The following GPC5 variants were observed in gnomAD, a reference collection of about 807,000 sequenced individuals.
The protein encoded by GPC5 is glypican-5.
In GPC5, 47 loss-of-function variants were observed where a neutral mutation model predicts 53.9. That is an observed-to-expected ratio of 0.87 (90% CI 0.69 to 1.11). The LOEUF (loss-of-function observed/expected upper bound fraction) is 1.11. Among genes scored for constraint, GPC5 ranks in the 50% most tolerant of loss-of-function variants. GPC5 has a pLI of 0.00. For synonymous variants in GPC5, 286 were observed against 263.3 expected, an observed-to-expected ratio of 1.09 and a Z score of -0.84; for missense variants, 748 against 713.1, an observed-to-expected ratio of 1.05 and a Z score of -0.56.
At position 92,602,233 on chromosome 13, in the gene GPC5, CATATATAT is replaced by C. The variant is rs149450440; in HGVS notation, c.1562-264026_1562-264019del. 2.7e-3 allele frequency among the ~76,000 whole-genome samples: 324 copies of C among 119,486 alleles called. 6 individuals carry two copies. Among genetic ancestry groups the C allele is most frequent in the Non-Finnish European group, 2.8e-3 (168 of 59,264 alleles). 78.4% of individuals were successfully genotyped at this position (119,486 alleles called of 152,430 possible). A position where few individuals can be genotyped will look rare whatever the true frequency, so the allele number is the denominator to read the frequency against. ...TACATATATATAAATATATATATAA[CATATATAT>C]ATATATATATATATATATATATGCA... is the stretch of plus-strand genomic sequence containing the variant. On this transcript the variant is annotated intron_variant, in intron 7 of 7. Coordinates refer to ENST00000377067, the MANE Select transcript of GPC5 (RefSeq NM_004466.6).
At chr13:92,376,752 A>C (rs1205866035) in intron 7 of GPC5, among the ~76,000 whole-genome samples, 2 of 152,090 alleles carry the variant, frequency 1.3e-5, no homozygotes, top group Admixed American at 6.5e-5. Context: ...GCAGTGGCTC[A>C]CGCCTGTAAT....
intron 6 of GPC5, among the ~76,000 whole-genome samples, chr13:92,043,461 T>G (rs2040957690): frequency 6.6e-6 from 1 of 152,116 alleles, no homozygotes. Flanking sequence ...TAATGGGCCA[T>G]GGAAATTGGT....
chr13:92,788,621 G>A (rs1876347041), intron 7 of GPC5, among the ~76,000 whole-genome samples: 1 of 152,130 alleles, frequency 6.6e-6, no homozygotes, highest in Non-Finnish European at 1.5e-5. Flanking sequence ...GAAGTATTTT[G>A]TTAATTACTT....
chr13:92,415,453 G>T (rs777795114), intron 7 of GPC5, among the ~76,000 whole-genome samples: 2 of 152,164 alleles, frequency 1.3e-5, no homozygotes, highest in African/African-American at 2.4e-5. Context: ...GGTATGAGAA[G>T]TGAAGGAGTT....
chr13:91,462,540 G>A (rs1881997828), intron 2 of GPC5, among the ~76,000 whole-genome samples: 1 of 152,070 alleles, frequency 6.6e-6, no homozygotes, highest in Non-Finnish European at 1.5e-5. Flanking sequence ...TTATCTATTG[G>A]ATAACTACAT....
intron 7 of GPC5, among the ~76,000 whole-genome samples, chr13:92,422,461 T>C (rs1876608126): frequency 6.6e-6 from 1 of 151,136 alleles, no homozygotes. Flanking sequence ...TTATGAGATC[T>C]TTCTGTAAGC....
chr13:92,705,794 G>A (rs1376450744), intron 7 of GPC5, among the ~76,000 whole-genome samples: 1 of 151,924 alleles, frequency 6.6e-6, no homozygotes, highest in Non-Finnish European at 1.5e-5. Flanking sequence ...GCTTTTAAAA[G>A]GCAATAAAGG....
chr13:91,925,793 T>A (rs1191715295), intron 6 of GPC5, among the ~76,000 whole-genome samples: 9 of 152,154 alleles, frequency 5.9e-5, no homozygotes, highest in Admixed American at 2.6e-4. Flanking sequence ...GGTTTCATAG[T>A]TTATAGTGAT....
At chr13:91,991,771 A>G (rs912855605) in intron 6 of GPC5, among the ~76,000 whole-genome samples, 4 of 152,168 alleles carry the variant, frequency 2.6e-5, no homozygotes, top group Non-Finnish European at 5.9e-5. Context: ...CATGAATTCT[A>G]TTTTTTGTCT....
At chr13:92,747,455 T>C (rs1889267607) in intron 7 of GPC5, among the ~76,000 whole-genome samples, 1 of 152,196 alleles carries the variant, frequency 6.6e-6, no homozygotes, top group Admixed American at 6.6e-5. Context: ...AGAAGTCATT[T>C]TATGTTTTAA....
chr13:92,443,821 G>A (rs991689627), intron 7 of GPC5, among the ~76,000 whole-genome samples: 7 of 152,186 alleles, frequency 4.6e-5, no homozygotes, highest in Non-Finnish European at 7.3e-5. Flanking sequence ...GGAAGGCAGG[G>A]AAGGGATGTG....
At chr13:92,609,643 G>A (rs1159981586) in intron 7 of GPC5, among the ~76,000 whole-genome samples, 2 of 152,140 alleles carry the variant, frequency 1.3e-5, no homozygotes, top group African/African-American at 4.8e-5. Context: ...TGAGGCACAA[G>A]CAGCTAATCT....
At chr13:92,101,146 A>G (rs1371617024) in intron 6 of GPC5, among the ~76,000 whole-genome samples, 1 of 152,152 alleles carries the variant, frequency 6.6e-6, no homozygotes. Context: ...TAAAACATCA[A>G]ATGAGAAACA....
At chr13:91,674,686 G>GTATATATATGTATATATATTAATTATA (rs2035340492) in intron 2 of GPC5, among the ~76,000 whole-genome samples, 1 of 146,636 alleles carries the variant, frequency 6.8e-6, no homozygotes, top group Admixed American at 6.8e-5. Flanking sequence ...ATGCGTATGT[G>GTATATATATGTATATATATTAATTATA]TATATATATG....
Position 91,448,747 on chromosome 13 carries a change from G to A in GPC5, c.164-14G>A, listed in dbSNP as rs374581120. The A allele has an allele frequency of 2.9e-5, 47 of 1,608,642 alleles. No individual in the cohort carries two copies. In the African/African-American group the frequency reaches 5.2e-4, roughly 18 times the overall value. Reference sequence around the variant, plus strand: ...TGAACAGGTAATCATTCTGAAAAATGTTGTGTGTTCCAGGACCTGATCTTC... The same window carrying A: ...TGAACAGGTAATCATTCTGAAAAATATTGTGTGTTCCAGGACCTGATCTTC... On this transcript the variant is annotated splice_polypyrimidine_tract_variant and intron_variant, in intron 1 of 7. Coordinates refer to ENST00000377067, the MANE Select transcript of GPC5 (RefSeq NM_004466.6).
At chr13:92,252,988 G>A (rs187197179) in intron 7 of GPC5, among the ~76,000 whole-genome samples, 8 of 152,184 alleles carry the variant, frequency 5.3e-5, no homozygotes, top group East Asian at 1.9e-4. Context: ...GCAATGTGTC[G>A]AGGAGAATGG....
chr13:92,116,777 T>G (rs1409940822), intron 6 of GPC5, among the ~76,000 whole-genome samples: 1 of 152,350 alleles, frequency 6.6e-6, no homozygotes, highest in African/African-American at 2.4e-5. Context: ...CATTGTAATT[T>G]TAATTTGTAC....
At chr13:91,457,054 C>G (rs183209967) in intron 2 of GPC5, among the ~76,000 whole-genome samples, 48 of 152,038 alleles carry the variant, frequency 3.2e-4, no homozygotes, top group African/African-American at 1.1e-3. Flanking sequence ...ATAATTTGAT[C>G]ACAAATTATT....
intron 7 of GPC5, among the ~76,000 whole-genome samples, chr13:92,469,826 T>G (rs1406924426): frequency 6.6e-6 from 1 of 152,110 alleles, no homozygotes; most frequent in African/African-American, 2.4e-5. Flanking sequence ...AAATACAAAT[T>G]TTATCACTAC....
Sources: gnomAD v4.1 joint callset for allele counts (sites outside exome capture counted in the v4.1 genomes callset) on GRCh38, gnomAD v4.1.1 for gene constraint, MANE v1.5 for transcripts, NCBI Gene and HGNC (gene_info 2026-07-23, HGNC 2026-07-21) for gene names.